PRKAR1A: variants seen among roughly 807,000 people sequenced by gnomAD.
PRKAR1A encodes the protein cAMP-dependent protein kinase type I-alpha regulatory subunit.
PRKAR1A carries 3 observed loss-of-function variants against 52.0 expected under a neutral mutation model. The observed-to-expected ratio is 0.06, with a 90% CI of 0.03 to 0.15. The LOEUF is 0.15. Among genes scored for constraint, PRKAR1A ranks in the 10% least tolerant of loss-of-function variants. PRKAR1A has a pLI of 1.00. For missense variants in PRKAR1A, 240 were observed against 477.4 expected (o/e 0.50, Z 4.63); for synonymous variants, 188 against 168.4 (o/e 1.12, Z -0.90).
In PRKAR1A at chr17:68,532,396, T is replaced by C. The variant is rs557371170; in HGVS notation, c.*1947T>C. The C allele has an allele frequency of 9.5e-7, 1 of 1,057,836 alleles. No homozygotes were observed. Among genetic ancestry groups the C allele is most frequent in the South Asian group, 4.6e-5 (1 of 21,810 alleles). 65.5% of individuals were successfully genotyped at this position (1,057,836 alleles called of 1,614,324 possible). On this transcript the variant is annotated 3_prime_UTR_variant, in exon 11 of 11. Transcript: ENST00000589228. ...GAGTGAGTTTTACTCTTAAATCATT[T>C]GGTTAAATCATTTGGCTTGCTGTTT...
the PRKAR1A span, among the ~76,000 whole-genome samples, chr17:68,434,953 G>A: frequency 2.0e-5 from 3 of 152,134 alleles, no homozygotes; most frequent in Non-Finnish European, 4.4e-5. Flanking sequence ...TGTAATCCTA[G>A]CACTTTGGGA....
the PRKAR1A span, among the ~76,000 whole-genome samples, chr17:68,449,751 T>C: frequency 1.3e-5 from 2 of 152,208 alleles, no homozygotes; most frequent in African/African-American, 2.4e-5. Context: ...CTGCAGAACC[T>C]TGACCCAGTG....
chr17:68,427,466 C>T, the PRKAR1A span: 53 of 357,418 alleles, frequency 1.5e-4, no homozygotes, highest in Middle Eastern at 8.3e-4. Context: ...AAGCGATTCT[C>T]CTGCCTCAGC....
intron 11 of PRKAR1A, chr17:68,540,011 G>A (rs1487242154): frequency 6.5e-6 from 10 of 1,542,014 alleles, no homozygotes; most frequent in Non-Finnish European, 9.0e-6. Flanking sequence ...AGGCCAGGGG[G>A]ACAGGTGCTC....
At chr17:68,434,814 C>T in the PRKAR1A span, among the ~76,000 whole-genome samples, 5 of 152,182 alleles carry the variant, frequency 3.3e-5, no homozygotes, top group Admixed American at 2.6e-4. Flanking sequence ...TATAAACACC[C>T]TCTGTCTACC....
At chr17:68,433,916 G>T in the PRKAR1A span, among the ~76,000 whole-genome samples, 9 of 151,670 alleles carry the variant, frequency 5.9e-5, no homozygotes, top group Non-Finnish European at 1.0e-4. Flanking sequence ...CCAAGTAGCT[G>T]GGATTACAGG....
the PRKAR1A span, among the ~76,000 whole-genome samples, chr17:68,449,495 C>A: frequency 1.4e-4 from 22 of 152,142 alleles, no homozygotes; most frequent in Non-Finnish European, 4.4e-5. Flanking sequence ...AATCTCATGT[C>A]GAATTGTAAT....
rs2085973222 is a variant in PRKAR1A at position 68,531,452 on chromosome 17, C to T, written c.*1003C>T. 2.8e-6 allele frequency: 3 copies of T among 1,066,050 alleles called. No homozygotes were observed. The highest frequency in any genetic ancestry group is 3.4e-6 in the Non-Finnish European group (3 of 879,578). The allele number at this position is 1,066,050 out of a possible 1,614,324, so 66.0% of individuals were successfully genotyped here. A position where few individuals can be genotyped will look rare whatever the true frequency, so the allele number is the denominator to read the frequency against. On this transcript the variant is annotated 3_prime_UTR_variant, in exon 11 of 11. Coordinates refer to ENST00000589228, the MANE Select transcript of PRKAR1A (RefSeq NM_002734.5). ...TCCTAACAGAGAAATAGAGGTGATG[C>T]TGCTAAAGGGAGAAATGCCAGGCGG...
In PRKAR1A at chr17:68,532,338, C is replaced by T. The variant is rs185215806; in HGVS notation, c.*1889C>T. 1 of 1,054,224 alleles carries T rather than the reference C, an allele frequency of 9.5e-7. No individual in the cohort carries two copies. The highest frequency in any genetic ancestry group is 5.0e-5 in the East Asian group (1 of 19,872). 65.3% of individuals were successfully genotyped at this position (1,054,224 alleles called of 1,614,324 possible). On this transcript the variant is annotated 3_prime_UTR_variant, in exon 11 of 11. Coordinates refer to ENST00000589228, the MANE Select transcript of PRKAR1A (RefSeq NM_002734.5). Reference sequence around the variant, plus strand: ...AGTTTCATGTATGTATATAATCATGCTCATGTATATTTAGTTACGTATAAT... The same window carrying T: ...AGTTTCATGTATGTATATAATCATGTTCATGTATATTTAGTTACGTATAAT...
chr17:68,524,557 A>G (rs1600483204), intron 5 of PRKAR1A, among the ~76,000 whole-genome samples: 1 of 152,240 alleles, frequency 6.6e-6, no homozygotes, highest in Admixed American at 6.5e-5. Context: ...TATTCTTGAC[A>G]TTTTATGAGT....
At chr17:68,544,934 T>C (rs11077609) in intron 11 of PRKAR1A, among the ~76,000 whole-genome samples, 57,408 of 152,140 alleles carry the variant, frequency 0.38, 10,948 homozygotes, top group South Asian at 0.46. Context: ...TTACTTTAGA[T>C]CAGTGCTTCT....
At position 68,532,889 on chromosome 17, in the gene PRKAR1A, G is replaced by T; in HGVS notation, c.*2440G>T. 9.4e-7 allele frequency: 1 copy of T among 1,066,210 alleles called. No homozygotes were observed. The highest frequency in any genetic ancestry group is 1.1e-6 in the Non-Finnish European group (1 of 879,762). 66.0% of individuals were successfully genotyped at this position (1,066,210 alleles called of 1,614,324 possible). A position where few individuals can be genotyped will look rare whatever the true frequency, so the allele number is the denominator to read the frequency against. On this transcript the variant is annotated 3_prime_UTR_variant, in exon 11 of 11. Transcript: ENST00000589228. ...AAGTGAATTATGGGATCGGTGTTTT[G>T]AAAGAGCAATGTTTATTTTCAGTGC...
chr17:68,437,573 C>T, the PRKAR1A span, among the ~76,000 whole-genome samples: 8 of 151,514 alleles, frequency 5.3e-5, no homozygotes, highest in South Asian at 2.1e-4. Flanking sequence ...AAAAAGAAAC[C>T]GAGCAATTTC....
chr17:68,450,114 C>A, the PRKAR1A span, among the ~76,000 whole-genome samples: 1 of 152,124 alleles, frequency 6.6e-6, no homozygotes, highest in Admixed American at 6.5e-5. Context: ...TAAAAGAGAA[C>A]ATATTGCCTA....
In PRKAR1A at chr17:68,514,934, C is replaced by T. The variant is rs1352674344; in HGVS notation, c.-6-460C>T. 27 of 219,912 alleles carry T rather than the reference C, an allele frequency of 1.2e-4. 1 individual carries two copies. 13.6% of individuals were successfully genotyped at this position (219,912 alleles called of 1,614,324 possible). ...GGATACTCCCATGGGATAGAAGTTA[C>T]GTATAGGGAATGTCAGATATTCTTC... On this transcript the variant is annotated intron_variant, in intron 1 of 10. Transcript: ENST00000589228.
chr17:68,530,186 C>T lies in PRKAR1A; in HGVS notation c.974-91C>T, dbSNP rs3730375. ...CATTTAATGAAATTACTGATTGTCT[C>T]ATATCTATTGTCTTCTTTCTCAGAA... On this transcript the variant is annotated intron_variant, in intron 10 of 10. Coordinates refer to ENST00000589228, the MANE Select transcript of PRKAR1A (RefSeq NM_002734.5). 2.0e-4 allele frequency: 300 copies of T among 1,536,256 alleles called. 1 individual carries two copies. The African/African-American group carries it at 3.6e-3, about 18-fold the overall frequency.
chr17:68,460,896 G>T, the PRKAR1A span, among the ~76,000 whole-genome samples: 3 of 152,164 alleles, frequency 2.0e-5, no homozygotes, highest in African/African-American at 7.2e-5. Context: ...AAAGCCAAGG[G>T]CAAGGTTATA....
At chr17:68,536,906 C>T (rs761191418), downstream of PRKAR1A, 2 of 454,036 alleles carry the variant, frequency 4.4e-6, no homozygotes, top group Non-Finnish European at 8.8e-6. Flanking sequence ...AGAAGTTACT[C>T]CAGGACCGGG....
the PRKAR1A span, among the ~76,000 whole-genome samples, chr17:68,462,499 G>A: frequency 2.6e-5 from 4 of 152,144 alleles, no homozygotes; most frequent in Non-Finnish European, 5.9e-5. Flanking sequence ...AGAAGACCAA[G>A]CTTTATAGAA....
Sources: gnomAD v4.1 joint callset for allele counts (sites outside exome capture counted in the v4.1 genomes callset) on GRCh38, gnomAD v4.1.1 for gene constraint, MANE v1.5 for transcripts, NCBI Gene and HGNC (gene_info 2026-07-23, HGNC 2026-07-21) for gene names.